TRPM7: variants seen among roughly 807,000 people sequenced by gnomAD.
TRPM7 encodes LTRPC ion channel family member 7.
A neutral mutation model predicts 229.7 loss-of-function variants in TRPM7; 134 were observed. That is an observed-to-expected ratio of 0.58 (90% CI 0.51 to 0.67). The LOEUF is 0.67. TRPM7 is among the 30% of genes least tolerant of loss of function. The pLI is 0.00. For synonymous variants in TRPM7, 699 were observed against 715.2 expected (o/e 0.98, Z 0.36); for missense variants, 1,901 against 2,210.0 (o/e 0.86, Z 2.80).
chr15:50,629,859 CTTTTTTTTTT>C (rs33991422), intron 10 of TRPM7, among the ~76,000 whole-genome samples: 3 of 106,518 alleles, frequency 2.8e-5, no homozygotes, highest in South Asian at 3.2e-4. Flanking sequence ...TCTTTTTAAC[CTTTTTTTTTT>C]TTTTTTTTTT....
Position 50,675,285 on chromosome 15 carries a change from G to A in TRPM7, c.3+11246C>T, listed in dbSNP as rs555315376. 4.0e-5 allele frequency among the ~76,000 whole-genome samples: 6 copies of A among 151,864 alleles called. No individual in the cohort carries two copies. The South Asian group carries it at 1.0e-3, about 26-fold the overall frequency. On this transcript the variant is annotated intron_variant, in intron 1 of 38. Coordinates refer to ENST00000646667, the MANE Select transcript of TRPM7 (RefSeq NM_017672.6). ...CTGAACCCAGGACACAGAGGTTGCA[G>A]TGAGCCAAGATCACGCCATTGCACT...
chr15:50,675,667 A>T (rs2062077382), intron 1 of TRPM7, among the ~76,000 whole-genome samples: 1 of 152,196 alleles, frequency 6.6e-6, no homozygotes. Context: ...TACATATAAA[A>T]ATCCTAGTTT....
chr15:50,640,664 C>A (rs944874140), intron 5 of TRPM7, among the ~76,000 whole-genome samples: 1 of 152,010 alleles, frequency 6.6e-6, no homozygotes, highest in Non-Finnish European at 1.5e-5. Context: ...GAGACAGGGC[C>A]TTTATATATG....
chr15:50,610,447 T>C (rs2060036575), intron 17 of TRPM7, among the ~76,000 whole-genome samples: 1 of 152,144 alleles, frequency 6.6e-6, no homozygotes, highest in Admixed American at 6.5e-5. Context: ...TCCCAAAGCA[T>C]GAAGAAATTG....
chr15:50,626,953 G>A (rs980385951), intron 11 of TRPM7, among the ~76,000 whole-genome samples: 6 of 152,136 alleles, frequency 3.9e-5, no homozygotes, highest in Non-Finnish European at 5.9e-5. Context: ...ACATTCATAA[G>A]GAGAATTTGC....
At chr15:50,663,192 G>T in intron 1 of TRPM7, 146 bp from the exon 2 acceptor site, 1 of 619,234 alleles carries the variant, frequency 1.6e-6, no homozygotes, top group East Asian at 3.1e-5. Flanking sequence ...GCAATGGTGT[G>T]ATCTTGGCTC....
chr15:50,574,537 T>C, intron 35 of TRPM7, 58 bp from the exon 36 acceptor site: 6 of 1,555,374 alleles, frequency 3.9e-6, no homozygotes, highest in Non-Finnish European at 5.3e-6. Context: ...TTCTAATTGA[T>C]CTACAAAATG....
At chr15:50,600,547 T>C (rs763536787) in intron 21 of TRPM7, among the ~76,000 whole-genome samples, 24 of 152,116 alleles carry the variant, frequency 1.6e-4, no homozygotes, top group Non-Finnish European at 2.8e-4. Context: ...AAAAGCCTCA[T>C]GCAAAAGAGA....
chr15:50,686,530 C>T lies in TRPM7; in HGVS notation c.3+1G>A. On this transcript the variant is annotated splice_donor_variant, in intron 1 of 38. Coordinates refer to ENST00000646667, the MANE Select transcript of TRPM7 (RefSeq NM_017672.6). LOFTEE classifies it high-confidence loss of function. ...CGCCCGGGCCTGCGTGGGTCCAGTACCATTCTCCTCACGGGGCGGACTCCG... is the reference window on the plus strand; with the variant it reads ...CGCCCGGGCCTGCGTGGGTCCAGTATCATTCTCCTCACGGGGCGGACTCCG... The T allele has an allele frequency of 6.2e-7, 1 of 1,612,172 alleles. No homozygotes were observed. The highest frequency in any genetic ancestry group is 1.1e-5 in the South Asian group (1 of 91,036).
At chr15:50,586,885 G>A (rs1186384900) in intron 27 of TRPM7, among the ~76,000 whole-genome samples, 14 of 152,018 alleles carry the variant, frequency 9.2e-5, no homozygotes, top group African/African-American at 2.4e-4. Context: ...TTGTGGTGGC[G>A]CATGCCTGTA....
At chr15:50,619,054 A>G (rs1486944288) in intron 13 of TRPM7, among the ~76,000 whole-genome samples, 1 of 152,090 alleles carries the variant, frequency 6.6e-6, no homozygotes, top group Non-Finnish European at 1.5e-5. Flanking sequence ...CCAGTCCTCA[A>G]TTTCCTTATT....
chr15:50,618,583 A>T (rs956804708), intron 13 of TRPM7, among the ~76,000 whole-genome samples: 7 of 112,726 alleles, frequency 6.2e-5, no homozygotes, highest in African/African-American at 2.3e-4. Context: ...AAATAAATAA[A>T]TAAATAAATA....
chr15:50,663,670 T>C (rs954042941), intron 1 of TRPM7, among the ~76,000 whole-genome samples: 2 of 152,254 alleles, frequency 1.3e-5, no homozygotes, highest in African/African-American at 2.4e-5. Flanking sequence ...ATATGAGCCA[T>C]TTAAAAGACA....
intron 13 of TRPM7, among the ~76,000 whole-genome samples, chr15:50,617,136 AAATAAATAAATAAAT>A (rs1567017978): frequency 1.9e-4 from 5 of 26,614 alleles, no homozygotes; most frequent in African/African-American, 8.0e-4. Context: ...CCAAAAAAAT[AAATAAATAAATAAAT>A]AAATAAATAA....
In TRPM7 at chr15:50,619,767, T is replaced by G. The variant is rs776713408; in HGVS notation, c.1472A>C (p.His491Pro). Residue 491 changes from histidine to proline, a missense_variant, in exon 13 of 39, where the codon CAT becomes CCT. Physicochemically the swap from His to Pro is moderately conservative, Grantham distance 77 (BLOSUM62 -2). Transcript: ENST00000646667. The stretch of plus-strand genomic sequence containing the variant: ...TACCTGTTTGACGTCTCGAACAAGA[T>G]GAAACAGCATTGGATTAGTTGGACC... ...KQGPTNPMLF[H>P]LVRDVKQGNL... The G allele has an allele frequency of 6.3e-7, 1 of 1,598,778 alleles. No homozygotes were observed. The highest frequency in any genetic ancestry group is 1.2e-5 in the South Asian group (1 of 86,074).
At chr15:50,643,189 T>C in intron 5 of TRPM7, 151 bp downstream of exon 5, 1 of 615,410 alleles carries the variant, frequency 1.6e-6, no homozygotes, top group Middle Eastern at 4.5e-4. Context: ...CTCTGGAGGC[T>C]GAGGCAGGAG....
At chr15:50,613,921 G>T in intron 14 of TRPM7, 80 bp from the exon 15 acceptor site, 2 of 1,489,868 alleles carry the variant, frequency 1.3e-6, no homozygotes, top group Non-Finnish European at 9.1e-7. Context: ...ATTTATATAT[G>T]TGTGCAAATG....
At chr15:50,602,030 T>C (rs2059794554) in intron 21 of TRPM7, among the ~76,000 whole-genome samples, 1 of 151,866 alleles carries the variant, frequency 6.6e-6, no homozygotes, top group Non-Finnish European at 1.5e-5. Context: ...ATCCCATTAC[T>C]GGGTATATAC....
chr15:50,612,393 T>TA (rs2060084403), intron 16 of TRPM7, among the ~76,000 whole-genome samples, 156 bp downstream of exon 16: 3 of 152,062 alleles, frequency 2.0e-5, no homozygotes, highest in Non-Finnish European at 4.4e-5. Flanking sequence ...TTCTTTTAAT[T>TA]AAAAAAATAT....
Sources: gnomAD v4.1 joint callset for allele counts (sites outside exome capture counted in the v4.1 genomes callset) on GRCh38, gnomAD v4.1.1 for gene constraint, MANE v1.5 for transcripts, NCBI Gene and HGNC (gene_info 2026-07-23, HGNC 2026-07-21) for gene names.